Variants in NELFCD observed in about 807,000 individuals in gnomAD.
NELFCD encodes the protein negative elongation factor complex member C/D.
NELFCD carries 48 observed loss-of-function variants against 72.9 expected under a neutral mutation model. The ratio of observed to expected loss-of-function variants is 0.66; its 90% CI spans 0.52 to 0.84. The LOEUF (loss-of-function observed/expected upper bound fraction) is 0.84. Among genes scored for constraint, NELFCD ranks in the 40% least tolerant of loss-of-function variants. The pLI is 0.00. For missense variants in NELFCD, 538 were observed against 723.8 expected (o/e 0.74, Z 2.94); for synonymous variants, 297 against 280.6 (o/e 1.06, Z -0.59).
Position 58,981,256 on chromosome 20 carries a change from A to G in NELFCD, c.-54A>G. On this transcript the variant is annotated 5_prime_UTR_variant, in exon 1 of 15. It removes an upstream start codon present in the reference 5' UTR. Transcript: ENST00000652272. ...CCGCCCGCCCGTCCCCGCCTCGCGC[A>G]TGCGCCGCGCTCGCTCGCGGGAGGG... 3 of 1,021,414 alleles carry G rather than the reference A, an allele frequency of 2.9e-6. No individual in the cohort carries two copies. In the South Asian group the frequency reaches 1.3e-4, roughly 45 times the overall value. 63.3% of individuals were successfully genotyped at this position (1,021,414 alleles called of 1,614,324 possible). A position where few individuals can be genotyped will look rare whatever the true frequency, so the allele number is the denominator to read the frequency against.
At chr20:58,991,661 T>A in intron 9 of NELFCD, 1 of 741,138 alleles carries the variant, frequency 1.3e-6, no homozygotes, top group Non-Finnish European at 2.2e-6. Flanking sequence ...GAAATGTGAC[T>A]AAAGAAATGA....
Position 58,993,280 on chromosome 20 carries a change from A to G in NELFCD, c.1344+168A>G. The G allele has an allele frequency of 1.2e-6, 1 of 820,254 alleles. No homozygotes were observed. Among genetic ancestry groups the G allele is most frequent in the Non-Finnish European group, 1.9e-6 (1 of 517,288 alleles). 50.8% of individuals were successfully genotyped at this position (820,254 alleles called of 1,614,324 possible). A position where few individuals can be genotyped will look rare whatever the true frequency, so the allele number is the denominator to read the frequency against. On this transcript the variant is annotated intron_variant, in intron 11 of 14. Coordinates refer to ENST00000652272, the MANE Select transcript of NELFCD (RefSeq NM_198976.4). This position sits in a 1 kb window ranked among gnomAD's most constrained non-coding sequence, Gnocchi z 5.0. ...AAGGACCTAGCTTCATTGACTGCAG[A>G]AATTTCTTAACCTCAGTCAAGTGTT...
At position 58,991,407 on chromosome 20, in the gene NELFCD, C is replaced by T. The variant is rs2091816199; in HGVS notation, c.1050C>T (p.Ile350=). 3 of 1,614,116 alleles carry T rather than the reference C, an allele frequency of 1.9e-6. No homozygotes were observed. Among genetic ancestry groups the T allele is most frequent in the South Asian group, 1.1e-5 (1 of 91,094 alleles). The change falls in exon 9 of 15, where the codon ATC becomes ATT. Residue 350 remains isoleucine (I), a synonymous_variant. Coordinates refer to ENST00000652272, the MANE Select transcript of NELFCD (RefSeq NM_198976.4). ...NQDHKHKYIH[I]LAYAASVVET... is the part of the protein sequence containing the mutation. ...ACCACAAGCACAAATACATCCACAT[C>T]TTGGCGTACGCAGCAAGCGTGGTTG... is the stretch of plus-strand genomic sequence containing the variant.
chr20:58,994,274 A>G, intron 14 of NELFCD, 35 bp downstream of exon 14: 2 of 1,606,296 alleles, frequency 1.2e-6, no homozygotes, highest in Middle Eastern at 1.7e-4. Flanking sequence ...ACTACAATAG[A>G]AAATGTCAGC....
At position 58,986,348 on chromosome 20, in the gene NELFCD, C is replaced by A. The variant is rs1437050900; in HGVS notation, c.176+140C>A. On this transcript the variant is annotated intron_variant, in intron 2 of 14. Coordinates refer to ENST00000652272, the MANE Select transcript of NELFCD (RefSeq NM_198976.4). This position sits in a 1 kb window ranked among gnomAD's most constrained non-coding sequence, Gnocchi z 4.4. ...CTTCAAGGGGGGGTCCCCTCTGCCA[C>A]TTTTTTTTTTTTTTTAAATTTTTTT... 4.2e-6 allele frequency: 2 copies of A among 474,596 alleles called. No homozygotes were observed. Among genetic ancestry groups the A allele is most frequent in the East Asian group, 3.7e-5 (1 of 27,044 alleles). The allele number at this position is 474,596 out of a possible 1,614,324, so 29.4% of individuals were successfully genotyped here.
intron 1 of NELFCD, among the ~76,000 whole-genome samples, chr20:58,982,794 C>T (rs2091745186): frequency 1.3e-5 from 2 of 152,134 alleles, no homozygotes; most frequent in Non-Finnish European, 2.9e-5. Context: ...TGGATCATTT[C>T]ACAGTGTTGG....
Position 58,994,343 on chromosome 20 carries a change from C to T in NELFCD, c.1711+104C>T, listed in dbSNP as rs545324307. 2.9e-5 allele frequency: 37 copies of T among 1,254,832 alleles called. No individual in the cohort carries two copies. In the African/African-American group the frequency reaches 4.9e-4, roughly 17 times the overall value. The allele number at this position is 1,254,832 out of a possible 1,614,324, so 77.7% of individuals were successfully genotyped here. The stretch of plus-strand genomic sequence containing the variant: ...CTTTGGGAGGCCAAGGTGGGTGGAT[C>T]ACCTGAGGTTGGGAGTTCAAGACCA... On this transcript the variant is annotated intron_variant, in intron 14 of 14. Transcript: ENST00000652272.
chr20:58,993,437 G>A lies in NELFCD; in HGVS notation c.1345-12G>A. On this transcript the variant is annotated splice_polypyrimidine_tract_variant and intron_variant, in intron 11 of 14. Coordinates refer to ENST00000652272, the MANE Select transcript of NELFCD (RefSeq NM_198976.4). The surrounding 1 kb of genome is among the most constrained non-coding windows in gnomAD (Gnocchi z 5.0). ...ACACTGCTCAGCGAAGCTCCCTCTG[G>A]CCTGTTTGTAGATCAGCACCTGCCA... The A allele has an allele frequency of 6.2e-7, 1 of 1,612,876 alleles. No individual in the cohort carries two copies. Among genetic ancestry groups the A allele is most frequent in the South Asian group, 1.1e-5 (1 of 91,008 alleles).
Position 58,986,044 on chromosome 20 carries a change from T to C in NELFCD, c.61-49T>C. On this transcript the variant is annotated intron_variant, in intron 1 of 14. Transcript: ENST00000652272. The surrounding 1 kb of genome is among the most constrained non-coding windows in gnomAD (Gnocchi z 4.4). ...TATACGATTTAAGGTGAGATTAGGG[T>C]ATTTGTATTAATGAAAAAAATATCC... is the stretch of plus-strand genomic sequence containing the variant. The C allele has an allele frequency of 9.3e-6, 11 of 1,181,294 alleles. No individual in the cohort carries two copies. The highest frequency in any genetic ancestry group is 1.5e-5 in the African/African-American group (1 of 66,932). The allele number at this position is 1,181,294 out of a possible 1,614,324, so 73.2% of individuals were successfully genotyped here. A position where few individuals can be genotyped will look rare whatever the true frequency, so the allele number is the denominator to read the frequency against.
chr20:58,993,497 G>C lies in NELFCD; in HGVS notation c.1393G>C (p.Val465Leu), dbSNP rs1265843148. ...LLHPQVLQLLVKLFETEHSQL... is the reference protein window; with the variant it reads ...LLHPQVLQLLLKLFETEHSQL... ...GCACCCCCAGGTCCTGCAGCTGCTT[G>C]TTAAGCTTTTTGAGACTGAGCACTC... is the stretch of plus-strand genomic sequence containing the variant. Residue 465 changes from valine (V) to leucine (L), a missense_variant, in exon 12 of 15, where the codon GTT (valine) becomes CTT (leucine). Val to Leu is a conservative substitution (Grantham distance 32, BLOSUM62 1). Transcript: ENST00000652272. This position sits in a 1 kb window ranked among gnomAD's most constrained non-coding sequence, Gnocchi z 5.0. 1.2e-5 allele frequency: 19 copies of C among 1,614,078 alleles called. No homozygotes were observed. Among genetic ancestry groups the C allele is most frequent in the Non-Finnish European group, 1.6e-5 (19 of 1,180,056 alleles).
rs2091776692 is a variant in NELFCD at position 58,986,908 on chromosome 20, T to C, written c.286+45T>C. The stretch of plus-strand genomic sequence containing the variant: ...TGTCCTGGCTAGTTACCCCCACTTT[T>C]TTAAAAATAGACTTTTGGGTCCTTA... On this transcript the variant is annotated intron_variant, in intron 3 of 14. Coordinates refer to ENST00000652272, the MANE Select transcript of NELFCD (RefSeq NM_198976.4). This position sits in a 1 kb window ranked among gnomAD's most constrained non-coding sequence, Gnocchi z 4.4. 4 of 1,291,588 alleles carry C rather than the reference T, an allele frequency of 3.1e-6. No individual in the cohort carries two copies. The highest frequency in any genetic ancestry group is 3.0e-5 in the African/African-American group (2 of 66,984). The allele number at this position is 1,291,588 out of a possible 1,614,324, so 80.0% of individuals were successfully genotyped here.
At chr20:58,992,592 A>G (rs1267673612) in intron 10 of NELFCD, among the ~76,000 whole-genome samples, 2 of 152,130 alleles carry the variant, frequency 1.3e-5, no homozygotes, top group South Asian at 2.1e-4. Context: ...CATTCACACT[A>G]TTTACTAATA....
rs778488615 is a variant in NELFCD, at chr20:58,993,816, C to T, written c.1581+52C>T. 2 of 1,581,912 alleles carry T rather than the reference C, an allele frequency of 1.3e-6. No homozygotes were observed. The highest frequency in any genetic ancestry group is 1.7e-4 in the Middle Eastern group (1 of 6,004). ...TTTCATACTGTTTACACTAGCACTG[C>T]CCTTTTTGGCTTAATTTAGTTCATT... On this transcript the variant is annotated intron_variant, in intron 13 of 14. Transcript: ENST00000652272. This position sits in a 1 kb window ranked among gnomAD's most constrained non-coding sequence, Gnocchi z 5.0.
rs753178733 is a variant in NELFCD at position 58,989,481 on chromosome 20, G to T, written c.505-7G>T. ...CCTCCCCTCTGACTTCTTGTTTTGT[G>T]TCCTAGCTTATTTCTGACGCAGGGT... On this transcript the variant is annotated splice_polypyrimidine_tract_variant and splice_region_variant and intron_variant, in intron 5 of 14. Transcript: ENST00000652272. The T allele has an allele frequency of 6.2e-7, 1 of 1,613,326 alleles. No homozygotes were observed. Among genetic ancestry groups the T allele is most frequent in the South Asian group, 1.1e-5 (1 of 91,076 alleles).
chr20:58,989,387 C>T (rs2091796309), intron 5 of NELFCD, 101 bp from the exon 6 acceptor site: 9 of 1,393,854 alleles, frequency 6.5e-6, no homozygotes, highest in South Asian at 5.0e-5. Context: ...CCACGACCAG[C>T]GCACACTTAC....
intron 1 of NELFCD, among the ~76,000 whole-genome samples, chr20:58,982,165 TTTTTTTTTGTGGTGGAG>T (rs1215458398): frequency 1.7e-5 from 2 of 120,872 alleles, no homozygotes; most frequent in Non-Finnish European, 3.5e-5. Context: ...TTTTTTTTTT[TTTTTTTTTGTGGTGGAG>T]TTTCGCTCTT....
chr20:58,990,843 G>A (rs1373255930), intron 7 of NELFCD, 67 bp from the exon 8 acceptor site: 9 of 1,371,252 alleles, frequency 6.6e-6, no homozygotes, highest in Non-Finnish European at 7.1e-6. Context: ...AGTATTATAT[G>A]TGTAAAAAAG....
intron 3 of NELFCD, 152 bp downstream of exon 3, chr20:58,987,015 T>C (rs1054108133): frequency 8.7e-6 from 5 of 572,534 alleles, no homozygotes; most frequent in Non-Finnish European, 1.5e-5. Context: ...CTCATTTTTA[T>C]CTTTATCTTA....
chr20:58,994,211 C>T lies in NELFCD; in HGVS notation c.1683C>T (p.Gly561=), dbSNP rs991451769. ...TCGCAGGTACCATCAAAACGGAAGG[C>T]GAGCATGACCCTGTGACGGAGTTTA... ...DSIAGTIKTE[G]EHDPVTEFIA... Residue 561 remains glycine, a synonymous_variant, in exon 14 of 15, where the codon GGC becomes GGT. Transcript: ENST00000652272. 4 of 1,614,096 alleles carry T rather than the reference C, an allele frequency of 2.5e-6. No individual in the cohort carries two copies. Among genetic ancestry groups the T allele is most frequent in the Admixed American group, 1.7e-5 (1 of 60,016 alleles).
Sources: allele counts gnomAD v4.1 joint callset (sites outside exome capture counted in the v4.1 genomes callset), GRCh38; gene constraint gnomAD v4.1.1; non-coding constraint Gnocchi (gnomAD v3.1); transcripts MANE v1.5; gene names NCBI Gene and HGNC (gene_info 2026-07-23, HGNC 2026-07-21).